Variants in KCNH2 observed in about 807,000 individuals in gnomAD.
The protein encoded by KCNH2 is potassium voltage-gated channel subfamily H member 2.
A neutral mutation model predicts 95.9 loss-of-function variants in KCNH2; 35 were observed. The observed-to-expected ratio is 0.37, with a 90% CI of 0.28 to 0.48. KCNH2 has a LOEUF of 0.48. Ranked by LOEUF, KCNH2 falls within the 20% of genes least tolerant of loss-of-function variation. The probability of loss-of-function intolerance (pLI) is 0.99; values close to 1 mark genes in which losing one functional copy is unlikely to be tolerated. For synonymous variants in KCNH2, 786 were observed against 754.7 expected (o/e 1.04, Z -0.68); for missense variants, 1,274 against 1,702.9 (o/e 0.75, Z 4.43).
At chr7:150,947,964 C>A in intron 11 of KCNH2, 86 bp from the exon 12 acceptor site, 4 of 1,420,112 alleles carry the variant, frequency 2.8e-6, no homozygotes, top group Non-Finnish European at 3.7e-6. Context: ...GGAGCGAGCC[C>A]GAGAGAGGAC....
intron 5 of KCNH2, chr7:150,955,382 C>A (rs771225295): frequency 1.3e-6 from 2 of 1,552,492 alleles, no homozygotes; most frequent in East Asian, 4.9e-5. Context: ...GAGGAAGGAC[C>A]GGGTGTCACC....
chr7:150,954,994 A>G (rs1292968875), intron 5 of KCNH2, among the ~76,000 whole-genome samples: 1 of 152,162 alleles, frequency 6.6e-6, no homozygotes, highest in Non-Finnish European at 1.5e-5. Flanking sequence ...CAGCACACAG[A>G]GCAAAGGAGC....
At position 150,946,992 on chromosome 7, in the gene KCNH2, G is replaced by A. The variant is rs781624566; in HGVS notation, c.3215C>T (p.Thr1072Met). 1.2e-5 allele frequency: 20 copies of A among 1,610,758 alleles called. No homozygotes were observed. The highest frequency in any genetic ancestry group is 3.3e-5 in the South Asian group (3 of 90,824). Residue 1072 changes from threonine (T) to methionine (M), a missense_variant, in exon 14 of 15, where the codon ACG becomes ATG. Thr to Met is a moderately conservative substitution (Grantham distance 81). This residue lies in a region of KCNH2 where 457 missense variants were observed against 416.1 expected (regional missense o/e 1.10). Coordinates refer to ENST00000262186, the MANE Select transcript of KCNH2 (RefSeq NM_000238.4). The surrounding 1 kb of genome is among the most constrained non-coding windows in gnomAD (Gnocchi z 6.5). ...AGCACTGTAGGCGGGCGGGACCAGC[G>A]TCATCTGCCTCTGTAGCAGCTGCAG... Reference protein sequence around the residue: ...TVLQLLQRQMTLVPPAYSAVT... With the variant: ...TVLQLLQRQMMLVPPAYSAVT...
intron 1 of KCNH2, 23 bp downstream of exon 1, chr7:150,977,814 CG>C: frequency 3.5e-6 from 5 of 1,409,624 alleles, no homozygotes; most frequent in Non-Finnish European, 3.9e-6. Flanking sequence ...GCCCCCTCCC[CG>C]CTCAGCCCCC....
chr7:150,964,012 A>T lies in KCNH2; in HGVS notation c.308-4276T>A, dbSNP rs569043720. On this transcript the variant is annotated intron_variant, in intron 2 of 14. Transcript: ENST00000262186. ...GGGGTGGGGGGCACTGTTCCTGCCC[A>T]GCATCCCAACCCATCCGAGGTCAGG... 2.6e-5 allele frequency among the ~76,000 whole-genome samples: 4 copies of T among 152,318 alleles called. No individual in the cohort carries two copies. In the East Asian group the frequency reaches 7.7e-4, roughly 29 times the overall value.
At chr7:150,954,304 C>A (rs931871567) in intron 5 of KCNH2, among the ~76,000 whole-genome samples, 2 of 151,954 alleles carry the variant, frequency 1.3e-5, no homozygotes, top group Admixed American at 6.5e-5. Context: ...CAGGCCCCTG[C>A]TGATAAGGGG....
intron 7 of KCNH2, 42 bp from the exon 8 acceptor site, chr7:150,951,162 C>T (rs1801140009): frequency 2.0e-6 from 3 of 1,517,314 alleles, no homozygotes; most frequent in Non-Finnish European, 1.8e-6. Context: ...TCTGCAGGGA[C>T]CCCACCCACC....
rs1266085431 is a variant in KCNH2 at position 150,945,514 on chromosome 7, C to A, written c.3331G>T (p.Val1111Phe). 1.3e-6 allele frequency: 2 copies of A among 1,558,126 alleles called. No individual in the cohort carries two copies. The highest frequency in any genetic ancestry group is 1.7e-6 in the Non-Finnish European group (2 of 1,151,216). ...TCCTCACACGCCATGAACTGGGAAA[C>A]CTGCAATACACACAGAGCATGGGCA... Reference protein sequence around the residue: ...PTLTLDSLSQVSQFMACEELP... With the variant: ...PTLTLDSLSQFSQFMACEELP... The change falls in exon 15 of 15, where the codon GTT (valine) becomes TTT (phenylalanine). Residue 1111 changes from valine (V) to phenylalanine (F), a missense_variant and splice_region_variant. Around this residue, in one of 7 missense-constraint regions of KCNH2, gnomAD observed 457 missense variants for 416.1 expected, o/e 1.10. Coordinates refer to ENST00000262186, the MANE Select transcript of KCNH2 (RefSeq NM_000238.4). The surrounding 1 kb of genome is among the most constrained non-coding windows in gnomAD (Gnocchi z 5.6).
At chr7:150,972,854 G>T (rs563284526) in intron 2 of KCNH2, among the ~76,000 whole-genome samples, 3 of 152,338 alleles carry the variant, frequency 2.0e-5, no homozygotes, top group African/African-American at 7.2e-5. Flanking sequence ...TCCAGAAGGG[G>T]CCAGCCTAGA....
At chr7:150,949,902 C>G in intron 9 of KCNH2, 3 of 1,461,686 alleles carry the variant, frequency 2.1e-6, no homozygotes, top group Non-Finnish European at 2.7e-6. Context: ...TTTGATCCTA[C>G]TTTAAGGAAG....
At chr7:150,955,441 G>A in intron 5 of KCNH2, 1 of 1,565,702 alleles carries the variant, frequency 6.4e-7, no homozygotes, top group African/African-American at 1.4e-5. Flanking sequence ...GCCTCACCCG[G>A]CCTTTCTGGG....
In KCNH2 at chr7:150,960,675, C is replaced by CT. The variant is rs200583659; in HGVS notation, c.308-940dup. Among the ~76,000 whole-genome samples, 1,032 of 152,336 alleles carry CT rather than the reference C, an allele frequency of 6.8e-3. 49 individuals are homozygous for CT. Among genetic ancestry groups the CT allele is most frequent in the Admixed American group, 0.06 (920 of 15,304 alleles). On this transcript the variant is annotated intron_variant, in intron 2 of 14. Coordinates refer to ENST00000262186, the MANE Select transcript of KCNH2 (RefSeq NM_000238.4). ...AAACACTGATCCTTCACCAAAGAGTCTAAGAAGCACTGCTTCTAGATCTTT... is the reference window on the plus strand; with the variant it reads ...AAACACTGATCCTTCACCAAAGAGTCTTAAGAAGCACTGCTTCTAGATCTTT...
intron 2 of KCNH2, among the ~76,000 whole-genome samples, chr7:150,966,013 C>G (rs1801692606): frequency 6.6e-6 from 1 of 152,244 alleles, no homozygotes; most frequent in Non-Finnish European, 1.5e-5. Context: ...CAAAATTCAA[C>G]CTGGTCATCA....
chr7:150,955,903 C>T, intron 5 of KCNH2: 1 of 936,890 alleles, frequency 1.1e-6, no homozygotes, highest in Non-Finnish European at 1.3e-6. Context: ...CAGCCAGCGG[C>T]CCCCTCCCCC....
In KCNH2 at chr7:150,977,821, C is replaced by T; in HGVS notation, c.76+17G>A. On this transcript the variant is annotated intron_variant, in intron 1 of 14. Transcript: ENST00000262186. ...CCCCCAGAGCCCCCTCCCCGCTCAG[C>T]CCCCTCCCCCACTCACTCTGGCCCT... 3 of 1,477,482 alleles carry T rather than the reference C, an allele frequency of 2.0e-6. No individual in the cohort carries two copies. Among genetic ancestry groups the T allele is most frequent in the South Asian group, 1.2e-5 (1 of 84,572 alleles). 91.5% of individuals were successfully genotyped at this position (1,477,482 alleles called of 1,614,324 possible).
At chr7:150,949,750 A>C in intron 9 of KCNH2, 1 of 1,184,376 alleles carries the variant, frequency 8.4e-7, no homozygotes, top group Non-Finnish European at 1.1e-6. Flanking sequence ...AAGTGGGGGG[A>C]GGGGGCAGGA....
rs750212773 is a variant in KCNH2, at chr7:150,951,874, A to C, written c.1558-39T>G. ...AAGGGGCACATTCCGTTGATGGGGC[A>C]AGGGGGGCAAGGGAGGAGGGGAGGT... is the stretch of plus-strand genomic sequence containing the variant. On this transcript the variant is annotated intron_variant, in intron 6 of 14. Transcript: ENST00000262186. The C allele has an allele frequency of 2.0e-6, 3 of 1,525,072 alleles. No individual in the cohort carries two copies. In the South Asian group the frequency reaches 3.8e-5, roughly 19 times the overall value. 94.5% of individuals were successfully genotyped at this position (1,525,072 alleles called of 1,614,324 possible).
intron 9 of KCNH2, chr7:150,949,955 T>C: frequency 1.9e-6 from 3 of 1,540,944 alleles, no homozygotes; most frequent in African/African-American, 2.7e-5. Context: ...GGAAGGAGAA[T>C]GTGGGAACCC....
intron 8 of KCNH2, 86 bp downstream of exon 8, chr7:150,950,835 G>T: frequency 7.1e-7 from 1 of 1,398,838 alleles, no homozygotes; most frequent in Non-Finnish European, 1.0e-6. Flanking sequence ...GACCGCCTGA[G>T]ACTTGTTTGC....
Sources: gnomAD v4.1 joint callset for allele counts (sites outside exome capture counted in the v4.1 genomes callset) on GRCh38, gnomAD v4.1.1 for gene constraint, gnomAD v4.1.1 regional missense constraint, Gnocchi (gnomAD v3.1) non-coding constraint, MANE v1.5 for transcripts, NCBI Gene and HGNC (gene_info 2026-07-23, HGNC 2026-07-21) for gene names.